CDH2: variants seen among roughly 807,000 people sequenced by gnomAD.
CDH2 encodes the protein cadherin 2, also known as cadherin-2.
CDH2 carries 17 observed loss-of-function variants against 92.0 expected under a neutral mutation model. That is an observed-to-expected ratio of 0.18 (90% confidence interval 0.13 to 0.28). The LOEUF is 0.28. Ranked by LOEUF, CDH2 falls within the 10% of genes least tolerant of loss-of-function variation. The pLI is 1.00. For missense variants in CDH2, 862 were observed against 1,133.1 expected (o/e 0.76, Z 3.44); for synonymous variants, 419 against 415.9 (o/e 1.01, Z -0.09).
intron 10 of CDH2, 147 bp downstream of exon 10, chr18:27,989,947 GAGA>G: frequency 1.6e-6 from 1 of 625,780 alleles, no homozygotes; most frequent in South Asian, 2.4e-5. Flanking sequence ...TTGACTTACT[GAGA>G]AGAAAATTCA....
At chr18:27,982,449 T>G (rs2012085670) in intron 14 of CDH2, among the ~76,000 whole-genome samples, 1 of 152,306 alleles carries the variant, frequency 6.6e-6, no homozygotes, top group South Asian at 2.1e-4. Context: ...TAACTTCAAA[T>G]ATTTCACAAG....
chr18:28,019,463 A>C (rs1386639408), intron 2 of CDH2, among the ~76,000 whole-genome samples: 1 of 152,102 alleles, frequency 6.6e-6, no homozygotes, highest in East Asian at 1.9e-4. Context: ...ACTGGCACTT[A>C]TTCTATTAAT....
chr18:28,113,366 T>C (rs997970407), intron 2 of CDH2, among the ~76,000 whole-genome samples: 1 of 151,460 alleles, frequency 6.6e-6, no homozygotes, highest in Non-Finnish European at 1.5e-5. Flanking sequence ...AAATGATCAA[T>C]AGTTACATAT....
chr18:28,129,727 G>C lies in CDH2; in HGVS notation c.172+17946C>G, dbSNP rs139213792. ...GTCTGTAGTCTCAGCTACTCAGGAG[G>C]CTGAGGCAGGAAGATCACTTGAGCT... On this transcript the variant is annotated intron_variant, in intron 2 of 15. Coordinates refer to ENST00000269141, the MANE Select transcript of CDH2 (RefSeq NM_001792.5). Among the ~76,000 whole-genome samples the C allele has an allele frequency of 4.0e-3, 611 of 152,270 alleles. 7 individuals carry two copies. The highest frequency in any genetic ancestry group is 0.014 in the African/African-American group (592 of 41,550).
chr18:28,043,890 ATTTTTTTTTTT>A (rs67532914), intron 2 of CDH2, among the ~76,000 whole-genome samples: 43 of 91,464 alleles, frequency 4.7e-4, no homozygotes, highest in Middle Eastern at 8.1e-3. Flanking sequence ...AGAATCTCGG[ATTTTTTTTTTT>A]TTTTTTTTTT....
chr18:28,094,515 C>G (rs1316235316), intron 2 of CDH2, among the ~76,000 whole-genome samples: 2 of 151,046 alleles, frequency 1.3e-5, no homozygotes, highest in Non-Finnish European at 3.0e-5. Context: ...ACAAAAAAAG[C>G]CAGGTGCGGT....
At chr18:28,091,179 T>C (rs1426484418) in intron 2 of CDH2, among the ~76,000 whole-genome samples, 1 of 152,192 alleles carries the variant, frequency 6.6e-6, no homozygotes, top group Admixed American at 6.5e-5. Context: ...TTGCAAAAAG[T>C]TTTGTTTTGT....
intron 2 of CDH2, among the ~76,000 whole-genome samples, chr18:28,018,821 T>C (rs2013325951): frequency 1.3e-5 from 2 of 151,564 alleles, no homozygotes; most frequent in Admixed American, 1.3e-4. Flanking sequence ...CTTCTGAGTA[T>C]CTACCCAGAG....
intron 2 of CDH2, among the ~76,000 whole-genome samples, chr18:28,039,049 T>C (rs1285316458): frequency 1.3e-5 from 2 of 152,188 alleles, no homozygotes; most frequent in Non-Finnish European, 2.9e-5. Context: ...ATCTCATCTC[T>C]GGGATTGTAC....
At chr18:28,168,193 T>C (rs1172770184) in intron 1 of CDH2, among the ~76,000 whole-genome samples, 1 of 151,994 alleles carries the variant, frequency 6.6e-6, no homozygotes, top group Non-Finnish European at 1.5e-5. Context: ...TCAAGCCAAG[T>C]GTATCCACCC....
chr18:28,045,332 A>G (rs544803038), intron 2 of CDH2: 2 of 442,584 alleles, frequency 4.5e-6, no homozygotes, highest in Admixed American at 2.6e-5. Flanking sequence ...CAGCTGATGA[A>G]TAAGTCTTTG....
At chr18:28,063,238 T>A (rs1045078715) in intron 2 of CDH2, among the ~76,000 whole-genome samples, 1 of 152,202 alleles carries the variant, frequency 6.6e-6, no homozygotes, top group East Asian at 1.9e-4. Flanking sequence ...TTTTCTTGTA[T>A]CTTGAAGCTT....
chr18:28,017,433 G>A (rs1200645125), intron 2 of CDH2, among the ~76,000 whole-genome samples: 2 of 151,940 alleles, frequency 1.3e-5, no homozygotes, highest in African/African-American at 4.8e-5. Context: ...ATGATCTTTT[G>A]TACTTCTGTG....
At chr18:28,048,353 T>C (rs761294738) in intron 2 of CDH2, among the ~76,000 whole-genome samples, 9 of 152,294 alleles carry the variant, frequency 5.9e-5, no homozygotes, top group Non-Finnish European at 1.2e-4. Flanking sequence ...AGTAAACTTT[T>C]CCATTACAGT....
rs762994164 is a variant in CDH2 at position 27,983,050 on chromosome 18, C to T, written c.2243G>A (p.Arg748His). Residue 748 changes from arginine (R) to histidine (H), a missense_variant, in exon 14 of 16, where the codon CGC (arginine) becomes CAC (histidine). By Grantham distance (29) the Arg-to-His change is conservative. Coordinates refer to ENST00000269141, the MANE Select transcript of CDH2 (RefSeq NM_001792.5). The part of the protein sequence containing the change: ...LVLMFVVWMK[R>H]RDKERQAKQL... Reference sequence around the variant, plus strand: ...TTTGGCCTGGCGTTCTTTATCCCGGCGTTTCATCCATACCACAAACATCAG... The same window carrying T: ...TTTGGCCTGGCGTTCTTTATCCCGGTGTTTCATCCATACCACAAACATCAG... The T allele has an allele frequency of 3.1e-6, 5 of 1,612,640 alleles. No homozygotes were observed. The highest frequency in any genetic ancestry group is 1.3e-5 in the African/African-American group (1 of 74,954).
chr18:28,021,330 A>G (rs1196176444), intron 2 of CDH2, among the ~76,000 whole-genome samples: 1 of 151,950 alleles, frequency 6.6e-6, no homozygotes, highest in Non-Finnish European at 1.5e-5. Flanking sequence ...TCTTATGCTC[A>G]GATAATCTCA....
Position 28,133,411 on chromosome 18 carries a change from G to A in CDH2, c.172+14262C>T, listed in dbSNP as rs532487354. 2.1e-3 allele frequency among the ~76,000 whole-genome samples: 321 copies of A among 151,584 alleles called. 5 individuals are homozygous for A. Among genetic ancestry groups the A allele is most frequent in the African/African-American group, 6.9e-3 (287 of 41,324 alleles). ...ATCCTGGCTAACACAGTGAAACTCC[G>A]TCTCTACTAAAAATACAAAAAATTA... On this transcript the variant is annotated intron_variant, in intron 2 of 15. Coordinates refer to ENST00000269141, the MANE Select transcript of CDH2 (RefSeq NM_001792.5).
rs774700140 is a variant in CDH2 at position 27,993,624 on chromosome 18, T to A, written c.1034A>T (p.Tyr345Phe). 1 of 1,612,028 alleles carries A rather than the reference T, an allele frequency of 6.2e-7. No homozygotes were observed. The highest frequency in any genetic ancestry group is 8.5e-7 in the Non-Finnish European group (1 of 1,178,178). ...AGLDREKVQQ[Y>F]TLIIQATDME... ...GTCTGTAGCTTGAATTATTAACGTA[T>A]ACTGTTGCACTTTCTAAAAAGACAT... Residue 345 changes from tyrosine to phenylalanine, a missense_variant, in exon 8 of 16, where the codon TAT (tyrosine) becomes TTT (phenylalanine). Transcript: ENST00000269141.
At chr18:28,107,268 G>C (rs1162567978) in intron 2 of CDH2, among the ~76,000 whole-genome samples, 1 of 151,830 alleles carries the variant, frequency 6.6e-6, no homozygotes, top group African/African-American at 2.4e-5. Context: ...GCTTTAAAGT[G>C]AAGTCTGTAG....
Sources: allele counts gnomAD v4.1 joint callset (sites outside exome capture counted in the v4.1 genomes callset), GRCh38; gene constraint gnomAD v4.1.1; transcripts MANE v1.5; gene names NCBI Gene and HGNC (gene_info 2026-07-23, HGNC 2026-07-21).